Variants in AFAP1L1 observed in about 807,000 individuals in gnomAD.
The protein encoded by AFAP1L1 is actin filament associated protein 1 like 1.
AFAP1L1 carries 77 observed loss-of-function variants against 99.8 expected under a neutral mutation model. The observed-to-expected ratio is 0.77, with a 90% CI of 0.64 to 0.93. The LOEUF (loss-of-function observed/expected upper bound fraction) is 0.93. Ranked by LOEUF, AFAP1L1 falls within the 40% of genes least tolerant of loss-of-function variation. The pLI, the probability that AFAP1L1 is intolerant of heterozygous loss-of-function variation, is 0.00. For synonymous variants in AFAP1L1, 373 were observed against 395.3 expected (o/e 0.94, Z 0.67); for missense variants, 893 against 996.8 (o/e 0.90, Z 1.40).
At chr5:149,275,311 C>G (rs545387012) in intron 1 of AFAP1L1, among the ~76,000 whole-genome samples, 1 of 152,276 alleles carries the variant, frequency 6.6e-6, no homozygotes, top group East Asian at 1.9e-4. Context: ...GTTCCAGATG[C>G]TGGAAGTCTA....
At position 149,307,472 on chromosome 5, in the gene AFAP1L1, G is replaced by A. The variant is rs769464611; in HGVS notation, c.606G>A (p.Pro202=). The A allele has an allele frequency of 6.8e-6, 11 of 1,614,038 alleles. No homozygotes were observed. Among genetic ancestry groups the A allele is most frequent in the African/African-American group, 2.7e-5 (2 of 74,912 alleles). Residue 202 remains proline (P), a synonymous_variant, in exon 7 of 19, where the codon CCG becomes CCA. Transcript: ENST00000296721. ...YDEEEEEGKS[P]QPRHQWPSEE... ...AAGAGGAGGAGGAAGGGAAGAGCCC[G>A]CAGCCCCGACACCAGTGGCCCTCAG...
rs1228499630 is a variant in AFAP1L1, at chr5:149,306,297, A to C, written c.437-9A>C. 2.5e-6 allele frequency: 4 copies of C among 1,610,164 alleles called. No homozygotes were observed. The highest frequency in any genetic ancestry group is 3.3e-5 in the Admixed American group (2 of 59,714). On this transcript the variant is annotated splice_polypyrimidine_tract_variant and intron_variant, in intron 5 of 18. Transcript: ENST00000296721. ...TCTCCAAAGTGCAGCTCTTTCTGAC[A>C]ACCCACAGATGGCTGCAGCCCCTCA... is the stretch of plus-strand genomic sequence containing the variant.
chr5:149,276,678 T>TC (rs1755337966), intron 1 of AFAP1L1: 1 of 150,396 alleles, frequency 6.6e-6, no homozygotes, highest in African/African-American at 2.4e-5. Flanking sequence ...AATTTTTTTT[T>TC]CCCACACTCA....
intron 1 of AFAP1L1, among the ~76,000 whole-genome samples, chr5:149,281,014 A>G (rs1212925338): frequency 1.3e-5 from 2 of 152,170 alleles, no homozygotes; most frequent in Non-Finnish European, 2.9e-5. Context: ...GCACTTTGAC[A>G]TTCACCAGTT....
chr5:149,325,198 T>C (rs1757062740), intron 15 of AFAP1L1, among the ~76,000 whole-genome samples: 1 of 152,234 alleles, frequency 6.6e-6, no homozygotes, highest in South Asian at 2.1e-4. Context: ...CTAGAAAATT[T>C]GCTAAATCTT....
chr5:149,326,556 A>G (rs1290255955), intron 15 of AFAP1L1, among the ~76,000 whole-genome samples: 5 of 148,402 alleles, frequency 3.4e-5, no homozygotes, highest in South Asian at 2.1e-4. Context: ...AAAAAAAAAA[A>G]AAAAAAGAAA....
chr5:149,272,070 A>G (rs1755130052), intron 1 of AFAP1L1, 86 bp downstream of exon 1: 2 of 979,842 alleles, frequency 2.0e-6, no homozygotes, highest in African/African-American at 1.8e-5. Flanking sequence ...AGGAGGAGGG[A>G]GAGAGGCGGG....
intron 16 of AFAP1L1, 67 bp from the exon 17 acceptor site, chr5:149,332,628 G>A (rs1757286893): frequency 6.5e-7 from 1 of 1,539,426 alleles, no homozygotes; most frequent in Non-Finnish European, 8.8e-7. Flanking sequence ...AAGGCCTGAG[G>A]CCCTGCCAGA....
chr5:149,312,964 T>A (rs917156107), intron 9 of AFAP1L1, among the ~76,000 whole-genome samples: 1 of 149,980 alleles, frequency 6.7e-6, no homozygotes, highest in African/African-American at 2.5e-5. Flanking sequence ...CCATCTCTAT[T>A]GAAAATACAA....
intron 1 of AFAP1L1, among the ~76,000 whole-genome samples, chr5:149,288,646 A>T (rs1256897943): frequency 6.6e-6 from 1 of 152,176 alleles, no homozygotes; most frequent in Non-Finnish European, 1.5e-5. Flanking sequence ...TTGTGAGCTC[A>T]ACAGGGAGGA....
intron 18 of AFAP1L1, among the ~76,000 whole-genome samples, chr5:149,338,397 G>A (rs1246449615): frequency 6.6e-6 from 1 of 152,170 alleles, no homozygotes; most frequent in Non-Finnish European, 1.5e-5. Context: ...AGTGGGAGGG[G>A]TGAGGCTACA....
chr5:149,293,162 A>G (rs1755911138), intron 1 of AFAP1L1, among the ~76,000 whole-genome samples: 1 of 152,246 alleles, frequency 6.6e-6, no homozygotes, highest in African/African-American at 2.4e-5. Flanking sequence ...GAGTGAAGAG[A>G]GCAGCCATCG....
At chr5:149,304,640 C>T (rs1028345576) in intron 5 of AFAP1L1, among the ~76,000 whole-genome samples, 1 of 152,208 alleles carries the variant, frequency 6.6e-6, no homozygotes, top group Non-Finnish European at 1.5e-5. Flanking sequence ...CAGGGAGTAT[C>T]CTTCCTCTCG....
rs559379023 is a variant in AFAP1L1, at chr5:149,342,197, C to T, written c.*2167C>T. ...CAAGGAGTTCTGCTTTTCCTTTTGC[C>T]CTTTAAATTAGATAGCCAGTCCTGG... On this transcript the variant is annotated 3_prime_UTR_variant, in exon 19 of 19. Coordinates refer to ENST00000296721, the MANE Select transcript of AFAP1L1 (RefSeq NM_152406.4). 6.6e-6 allele frequency among the ~76,000 whole-genome samples: 1 copy of T among 152,142 alleles called. No individual in the cohort carries two copies. The highest frequency in any genetic ancestry group is 2.4e-5 in the African/African-American group (1 of 41,412).
At chr5:149,312,698 A>T (rs866590832) in intron 9 of AFAP1L1, among the ~76,000 whole-genome samples, 60 of 152,062 alleles carry the variant, frequency 3.9e-4, no homozygotes, top group Admixed American at 3.3e-3. Flanking sequence ...CTAAGGTAGG[A>T]GACTTACTTG....
At chr5:149,275,899 C>T (rs555115918) in intron 1 of AFAP1L1, among the ~76,000 whole-genome samples, 1 of 152,314 alleles carries the variant, frequency 6.6e-6, no homozygotes, top group East Asian at 1.9e-4. Context: ...AAGACCCTGT[C>T]TCCAAATACA....
chr5:149,295,647 G>C (rs1215084870), intron 1 of AFAP1L1, among the ~76,000 whole-genome samples: 1 of 151,318 alleles, frequency 6.6e-6, no homozygotes, highest in East Asian at 2.0e-4. Context: ...AGGAGGGAAG[G>C]AAGGAAGGGA....
At chr5:149,329,470 A>G (rs1441499197) in intron 15 of AFAP1L1, among the ~76,000 whole-genome samples, 196 bp from the exon 16 acceptor site, 1 of 152,236 alleles carries the variant, frequency 6.6e-6, no homozygotes, top group Non-Finnish European at 1.5e-5. Flanking sequence ...CCTTGCTCCT[A>G]GTCCGTGTGC....
Position 149,312,206 on chromosome 5 carries a change from T to C in AFAP1L1, c.1020+2T>C, listed in dbSNP as rs772262593. ...CTGTGCAAGTTGGACCTGGACAAGGTATATCTGTCTCCACTAAGTCTTCCC... is the reference window on the plus strand; with the variant it reads ...CTGTGCAAGTTGGACCTGGACAAGGCATATCTGTCTCCACTAAGTCTTCCC... On this transcript the variant is annotated splice_donor_variant, in intron 9 of 18. Transcript: ENST00000296721. LOFTEE classifies it high-confidence loss of function. 3 of 1,613,938 alleles carry C rather than the reference T, an allele frequency of 1.9e-6. No individual in the cohort carries two copies. In the East Asian group the frequency reaches 6.7e-5, roughly 36 times the overall value.
Sources: allele counts gnomAD v4.1 joint callset (sites outside exome capture counted in the v4.1 genomes callset), GRCh38; gene constraint gnomAD v4.1.1; transcripts MANE v1.5; gene names NCBI Gene and HGNC (gene_info 2026-07-23, HGNC 2026-07-21).